PTPRK: variants seen among roughly 807,000 people sequenced by gnomAD.
PTPRK encodes protein tyrosine phosphatase receptor type K.
A neutral mutation model predicts 178.0 loss-of-function variants in PTPRK; 75 were observed. The observed-to-expected ratio is 0.42, with a 90% CI of 0.35 to 0.51. The LOEUF (loss-of-function observed/expected upper bound fraction) is 0.51, where lower values mean the gene tolerates loss of function less well. PTPRK is among the 20% of genes least tolerant of loss of function. PTPRK has a pLI of 0.02. For missense variants in PTPRK, 1,441 were observed against 1,797.8 expected (o/e 0.80, Z 3.59); for synonymous variants, 637 against 620.6 (o/e 1.03, Z -0.39).
At chr6:128,328,221 T>A (rs1052183142) in intron 2 of PTPRK, among the ~76,000 whole-genome samples, 1 of 152,196 alleles carries the variant, frequency 6.6e-6, no homozygotes, top group Non-Finnish European at 1.5e-5. Context: ...GTGCCAGCTG[T>A]AAAGCAGAAC....
intron 7 of PTPRK, among the ~76,000 whole-genome samples, chr6:128,102,007 C>A (rs774424536): frequency 6.6e-6 from 1 of 152,170 alleles, no homozygotes; most frequent in Non-Finnish European, 1.5e-5. Context: ...TGCATCATGT[C>A]TTCCATTCAT....
At chr6:128,428,025 G>A (rs537289671) in intron 1 of PTPRK, among the ~76,000 whole-genome samples, 5 of 152,084 alleles carry the variant, frequency 3.3e-5, no homozygotes, top group Admixed American at 1.3e-4. Flanking sequence ...CCCGGGAGGC[G>A]GAGATTGCAG....
chr6:127,985,659 T>C (rs1775883103), intron 22 of PTPRK, 62 bp downstream of exon 22: 1 of 1,469,814 alleles, frequency 6.8e-7, no homozygotes, highest in African/African-American at 1.4e-5. Flanking sequence ...TCAAAAGCCT[T>C]GTCTTGATAC....
chr6:127,998,276 T>C (rs1448712052), intron 16 of PTPRK, among the ~76,000 whole-genome samples: 1 of 151,910 alleles, frequency 6.6e-6, no homozygotes, highest in Non-Finnish European at 1.5e-5. Flanking sequence ...TGGCAAGTAG[T>C]ATATTTAGAG....
In PTPRK at chr6:128,142,407, G is replaced by A. The variant is rs199812101; in HGVS notation, c.1162+42025C>T. On this transcript the variant is annotated intron_variant, in intron 7 of 29. Coordinates refer to ENST00000368226, the MANE Select transcript of PTPRK (RefSeq NM_002844.4). Reference sequence around the variant, plus strand: ...AGTAAAGGGAATACATATCATCTAGGATGAAGAAATCCATCATAGCTTTCA... The same window carrying A: ...AGTAAAGGGAATACATATCATCTAGAATGAAGAAATCCATCATAGCTTTCA... Among the ~76,000 whole-genome samples, 6 of 151,966 alleles carry A rather than the reference G, an allele frequency of 3.9e-5. No individual in the cohort carries two copies. In the East Asian group the frequency reaches 9.7e-4, roughly 24 times the overall value.
intron 11 of PTPRK, among the ~76,000 whole-genome samples, chr6:128,070,164 C>T (rs1032319543): frequency 6.6e-6 from 1 of 151,918 alleles, no homozygotes; most frequent in Non-Finnish European, 1.5e-5. Context: ...TTCATTTATT[C>T]TTTGAATGGT....
At chr6:128,311,951 T>C (rs1056981088) in intron 3 of PTPRK, among the ~76,000 whole-genome samples, 1 of 152,214 alleles carries the variant, frequency 6.6e-6, no homozygotes, top group African/African-American at 2.4e-5. Context: ...TATTTGATCA[T>C]AGTTTAGACG....
chr6:128,111,435 T>A (rs1040902214), intron 7 of PTPRK, among the ~76,000 whole-genome samples: 1 of 152,122 alleles, frequency 6.6e-6, no homozygotes, highest in Non-Finnish European at 1.5e-5. Flanking sequence ...AAATAAAGAA[T>A]AAGAGAAAAA....
At chr6:128,370,124 C>A (rs1417517305) in intron 2 of PTPRK, among the ~76,000 whole-genome samples, 1 of 152,036 alleles carries the variant, frequency 6.6e-6, no homozygotes, top group Non-Finnish European at 1.5e-5. Context: ...TTGCACATAA[C>A]AGAATCAAAA....
intron 1 of PTPRK, among the ~76,000 whole-genome samples, chr6:128,436,681 C>T (rs970459065): frequency 6.6e-6 from 1 of 151,918 alleles, no homozygotes; most frequent in Non-Finnish European, 1.5e-5. Flanking sequence ...AACAAAGGCA[C>T]AGAGTACCAG....
chr6:128,127,311 T>G (rs1193588393), intron 7 of PTPRK, among the ~76,000 whole-genome samples: 1 of 152,168 alleles, frequency 6.6e-6, no homozygotes, highest in Non-Finnish European at 1.5e-5. Flanking sequence ...AGAATTGGTT[T>G]ATTGATTATC....
Position 128,335,727 on chromosome 6 carries a change from T to A in PTPRK, c.224-13417A>T, listed in dbSNP as rs150315191. 1.8e-3 allele frequency among the ~76,000 whole-genome samples: 276 copies of A among 152,184 alleles called. 1 individual carries two copies. The highest frequency in any genetic ancestry group is 6.6e-3 in the African/African-American group (273 of 41,548). On this transcript the variant is annotated intron_variant, in intron 2 of 29. Transcript: ENST00000368226. The stretch of plus-strand genomic sequence containing the variant: ...CCATCTCCTCAAATTTTGAGACTGT[T>A]GCTTTTGGTCACAAGATCGTCAACT...
intron 2 of PTPRK, among the ~76,000 whole-genome samples, chr6:128,350,701 G>T (rs1384772421): frequency 2.0e-5 from 3 of 152,122 alleles, no homozygotes; most frequent in Non-Finnish European, 2.9e-5. Flanking sequence ...CAAACACTGG[G>T]CCTATACGTC....
At chr6:128,426,606 C>G (rs981733665) in intron 1 of PTPRK, among the ~76,000 whole-genome samples, 17 of 152,152 alleles carry the variant, frequency 1.1e-4, no homozygotes, top group Middle Eastern at 3.2e-3. Flanking sequence ...TATTTAAAAT[C>G]TTTAAAATCA....
intron 1 of PTPRK, among the ~76,000 whole-genome samples, chr6:128,440,709 T>A (rs1486819722): frequency 6.6e-6 from 1 of 152,174 alleles, no homozygotes; most frequent in Non-Finnish European, 1.5e-5. Context: ...TTATCTTTAA[T>A]AAAATGCCTT....
Position 127,970,132 on chromosome 6 carries a change from A to T in PTPRK, c.*95T>A. 1.0e-6 allele frequency: 1 copy of T among 965,996 alleles called. No homozygotes were observed. Among genetic ancestry groups the T allele is most frequent in the Non-Finnish European group, 1.5e-6 (1 of 652,104 alleles). 59.8% of individuals were successfully genotyped at this position (965,996 alleles called of 1,614,324 possible). A position where few individuals can be genotyped will look rare whatever the true frequency, so the allele number is the denominator to read the frequency against. On this transcript the variant is annotated 3_prime_UTR_variant, in exon 30 of 30. Transcript: ENST00000368226. ...GTAAAAGTCTCCCACCCCCCACATT[A>T]AAATCTTTCTGCACAAGTGTAACAG...
chr6:127,984,145 G>A (rs574583139), intron 22 of PTPRK, among the ~76,000 whole-genome samples: 55 of 152,082 alleles, frequency 3.6e-4, no homozygotes, highest in African/African-American at 1.0e-3. Flanking sequence ...ATATTCTTGG[G>A]TACATAGTGA....
chr6:128,378,231 A>T (rs1837376122), intron 2 of PTPRK, among the ~76,000 whole-genome samples: 1 of 152,264 alleles, frequency 6.6e-6, no homozygotes, highest in South Asian at 2.1e-4. Context: ...GACAAAACTG[A>T]GTAGTTCCTA....
At chr6:128,160,132 C>A (rs1477382073) in intron 7 of PTPRK, among the ~76,000 whole-genome samples, 1 of 151,600 alleles carries the variant, frequency 6.6e-6, no homozygotes, top group African/African-American at 2.4e-5. Context: ...CATACTCTAA[C>A]AAATTAACAT....
Sources: allele counts gnomAD v4.1 joint callset (sites outside exome capture counted in the v4.1 genomes callset), GRCh38; gene constraint gnomAD v4.1.1; transcripts MANE v1.5; gene names NCBI Gene and HGNC (gene_info 2026-07-23, HGNC 2026-07-21).